Variants in SNTG1 observed in about 807,000 individuals in gnomAD.
The protein encoded by SNTG1 is syntrophin gamma 1.
SNTG1 carries 39 observed loss-of-function variants against 74.7 expected under a neutral mutation model. The observed-to-expected ratio is 0.52, with a 90% CI of 0.40 to 0.68. The LOEUF (loss-of-function observed/expected upper bound fraction) is 0.68. SNTG1 is among the 30% of genes least tolerant of loss of function. The pLI is 0.00. For synonymous variants in SNTG1, 254 were observed against 217.1 expected (o/e 1.17, Z -1.49); for missense variants, 685 against 609.5 (o/e 1.12, Z -1.30).
At chr8:50,351,330 C>T (rs557441267) in intron 2 of SNTG1, among the ~76,000 whole-genome samples, 20 of 152,294 alleles carry the variant, frequency 1.3e-4, no homozygotes, top group African/African-American at 4.6e-4. Flanking sequence ...CACAGAACGT[C>T]CCTTCACTCA....
At chr8:50,687,609 T>G (rs1350163966) in intron 15 of SNTG1, among the ~76,000 whole-genome samples, 4 of 152,248 alleles carry the variant, frequency 2.6e-5, no homozygotes, top group Non-Finnish European at 5.9e-5. Flanking sequence ...TTAGGGTACA[T>G]GTGCACAACG....
chr8:50,207,683 GC>G (rs1208410340), intron 2 of SNTG1, among the ~76,000 whole-genome samples: 1 of 152,086 alleles, frequency 6.6e-6, no homozygotes, highest in East Asian at 1.9e-4. Flanking sequence ...CATCTTTCCT[GC>G]TTTCTCTTGT....
At chr8:50,025,542 A>G (rs1424125049) in intron 1 of SNTG1, among the ~76,000 whole-genome samples, 1 of 152,194 alleles carries the variant, frequency 6.6e-6, no homozygotes, top group Non-Finnish European at 1.5e-5. Flanking sequence ...GAGAAGAGCT[A>G]ATAAATGAGA....
In SNTG1 at chr8:50,296,721, T is replaced by C. The variant is rs559687316; in HGVS notation, c.-27-97491T>C. On this transcript the variant is annotated intron_variant, in intron 2 of 18. Transcript: ENST00000642720. ...GTGCAGCGAACCACCATGGCACATG[T>C]AAACCTATGTAACAAACCTGAATGT... Among the ~76,000 whole-genome samples the C allele has an allele frequency of 1.1e-4, 16 of 152,192 alleles. No homozygotes were observed. In the South Asian group the frequency reaches 2.5e-3, roughly 24 times the overall value.
At chr8:49,939,157 A>G (rs1024555102) in intron 1 of SNTG1, among the ~76,000 whole-genome samples, 3 of 152,088 alleles carry the variant, frequency 2.0e-5, no homozygotes, top group Non-Finnish European at 2.9e-5. Flanking sequence ...TACTCTTTCC[A>G]CTAGCGTGTT....
intron 2 of SNTG1, among the ~76,000 whole-genome samples, chr8:50,217,638 T>G (rs966785010): frequency 2.6e-5 from 3 of 117,376 alleles, no homozygotes; most frequent in African/African-American, 1.7e-4. Flanking sequence ...CCTATTATAT[T>G]AAAGGTTCCA....
intron 2 of SNTG1, among the ~76,000 whole-genome samples, chr8:50,280,985 C>CAAAAAAAAAAAAAAAAAAA (rs35973666): frequency 1.3e-5 from 1 of 75,462 alleles, no homozygotes; most frequent in Non-Finnish European, 2.6e-5. Flanking sequence ...AACCCAGTCT[C>CAAAAAAAAAAAAAAAAAAA]AAAAAAAAAA....
intron 2 of SNTG1, among the ~76,000 whole-genome samples, chr8:50,298,355 G>A (rs2089487452): frequency 6.6e-6 from 1 of 152,144 alleles, no homozygotes; most frequent in South Asian, 2.1e-4. Flanking sequence ...TTCCAATGGG[G>A]TGGAGTTAGG....
Position 50,183,393 on chromosome 8 carries a change from G to T in SNTG1, c.-28+10758G>T, listed in dbSNP as rs193254379. 2.0e-3 allele frequency among the ~76,000 whole-genome samples: 311 copies of T among 152,196 alleles called. 2 individuals are homozygous for T. Among genetic ancestry groups the T allele is most frequent in the Admixed American group, 5.0e-3 (76 of 15,264 alleles). ...CTAAACTGTATGATTGCCTGTGACT[G>T]TACCGTCTCCAGAGTCTCCGTTTTA... On this transcript the variant is annotated intron_variant, in intron 2 of 18. Transcript: ENST00000642720.
At chr8:50,319,061 T>A (rs2090428403) in intron 2 of SNTG1, among the ~76,000 whole-genome samples, 1 of 152,088 alleles carries the variant, frequency 6.6e-6, no homozygotes, top group African/African-American at 2.4e-5. Flanking sequence ...TGTATACAGA[T>A]ATATATACAT....
At chr8:50,704,254 A>C (rs2095435955) in intron 15 of SNTG1, among the ~76,000 whole-genome samples, 1 of 152,242 alleles carries the variant, frequency 6.6e-6, no homozygotes. Flanking sequence ...TAATTTCAAC[A>C]TCATAACAGT....
At chr8:50,487,322 G>C (rs1251155129) in intron 8 of SNTG1, among the ~76,000 whole-genome samples, 4 of 152,264 alleles carry the variant, frequency 2.6e-5, no homozygotes, top group Middle Eastern at 3.4e-3. Context: ...ATTTGACCCA[G>C]CCATCCCATT....
At chr8:50,661,760 T>C (rs2095224999) in intron 15 of SNTG1, among the ~76,000 whole-genome samples, 1 of 152,140 alleles carries the variant, frequency 6.6e-6, no homozygotes, top group African/African-American at 2.4e-5. Flanking sequence ...AATGTTTACA[T>C]AGGTTAGTGA....
intron 2 of SNTG1, among the ~76,000 whole-genome samples, chr8:50,379,019 C>A (rs1245403450): frequency 6.6e-6 from 1 of 152,108 alleles, no homozygotes; most frequent in Non-Finnish European, 1.5e-5. Context: ...CACCCAGGAA[C>A]CTGTCTGCAT....
intron 2 of SNTG1, among the ~76,000 whole-genome samples, chr8:50,225,699 T>G (rs1248887911): frequency 1.3e-5 from 2 of 152,204 alleles, no homozygotes; most frequent in East Asian, 1.9e-4. Flanking sequence ...TTAACTATAT[T>G]AAAAATAGGG....
chr8:50,559,813 G>T, intron 12 of SNTG1, among the ~76,000 whole-genome samples: 1 of 152,066 alleles, frequency 6.6e-6, no homozygotes, highest in East Asian at 1.9e-4. Flanking sequence ...CATAGCCATG[G>T]ACAAAGATTT....
chr8:50,671,282 G>T (rs2095281067), intron 15 of SNTG1, among the ~76,000 whole-genome samples: 1 of 151,710 alleles, frequency 6.6e-6, no homozygotes, highest in South Asian at 2.1e-4. Context: ...GAAAATTTTT[G>T]CAACCTACTC....
At chr8:50,077,227 AT>A (rs1306850035) in intron 1 of SNTG1, among the ~76,000 whole-genome samples, 2 of 152,076 alleles carry the variant, frequency 1.3e-5, no homozygotes, top group African/African-American at 4.8e-5. Flanking sequence ...TTATTCTTAC[AT>A]TTTTTCTTTA....
chr8:50,053,227 C>T (rs1183211536), intron 1 of SNTG1, among the ~76,000 whole-genome samples: 2 of 151,998 alleles, frequency 1.3e-5, no homozygotes, highest in Non-Finnish European at 2.9e-5. Flanking sequence ...AATGCTTTTA[C>T]AAGGGAATAG....
Sources: gnomAD v4.1 joint callset for allele counts (sites outside exome capture counted in the v4.1 genomes callset) on GRCh38, gnomAD v4.1.1 for gene constraint, MANE v1.5 for transcripts, NCBI Gene and HGNC (gene_info 2026-07-23, HGNC 2026-07-21) for gene names.